The following LRRTM4 variants were observed in gnomAD, a reference collection of about 807,000 sequenced individuals.
The protein encoded by LRRTM4 is leucine rich repeat transmembrane neuronal 4, also known as leucine-rich repeat transmembrane neuronal protein 4.
Under a neutral mutation model 47.6 loss-of-function variants are expected in LRRTM4, and 25 were observed. The observed-to-expected ratio is 0.53, with a 90% CI of 0.38 to 0.73. LRRTM4 has a LOEUF of 0.73. LRRTM4 is among the 30% of genes least tolerant of loss of function. The probability of loss-of-function intolerance (pLI) is 0.00; values close to 1 mark genes in which losing one functional copy is unlikely to be tolerated. For synonymous variants in LRRTM4, 311 were observed against 269.5 expected, an observed-to-expected ratio of 1.15 and a Z score of -1.51; for missense variants, 638 against 713.4, an observed-to-expected ratio of 0.89 and a Z score of 1.20.
chr2:77,493,644 G>A (rs943877108), intron 3 of LRRTM4, among the ~76,000 whole-genome samples: 10 of 152,082 alleles, frequency 6.6e-5, no homozygotes, highest in African/African-American at 2.4e-4. Flanking sequence ...TTTGACTCAT[G>A]TCTGTAGAAG....
chr2:76,995,703 A>G (rs921036157), intron 3 of LRRTM4, among the ~76,000 whole-genome samples: 4 of 152,098 alleles, frequency 2.6e-5, no homozygotes, highest in African/African-American at 9.7e-5. Flanking sequence ...AAGGTAAGCC[A>G]TATAGATTCA....
intron 3 of LRRTM4, among the ~76,000 whole-genome samples, chr2:77,066,701 A>G (rs1260175604): frequency 1.3e-5 from 2 of 152,230 alleles, no homozygotes; most frequent in Admixed American, 6.5e-5. Context: ...ATATACATGC[A>G]TATGTACCTG....
chr2:77,186,843 C>G (rs1673518567), intron 3 of LRRTM4, among the ~76,000 whole-genome samples: 1 of 152,084 alleles, frequency 6.6e-6, no homozygotes, highest in African/African-American at 2.4e-5. Context: ...ATCTTCAGAC[C>G]AAACCCCAAG....
At chr2:77,114,708 C>G (rs960892965) in intron 3 of LRRTM4, among the ~76,000 whole-genome samples, 8 of 152,080 alleles carry the variant, frequency 5.3e-5, no homozygotes, top group Non-Finnish European at 8.8e-5. Context: ...AGCTGGGCCT[C>G]CGGGGGTGTC....
intron 3 of LRRTM4, among the ~76,000 whole-genome samples, chr2:76,783,063 G>A (rs779634399): frequency 3.8e-4 from 58 of 152,058 alleles, no homozygotes; most frequent in Non-Finnish European, 7.4e-4. Flanking sequence ...ATGCTTAGGT[G>A]CAGGAAGTTG....
intron 3 of LRRTM4, among the ~76,000 whole-genome samples, chr2:76,965,422 G>A (rs939219665): frequency 1.3e-5 from 2 of 151,046 alleles, no homozygotes; most frequent in African/African-American, 4.8e-5. Context: ...TATGTTATAT[G>A]CCATATCAAC....
chr2:77,033,160 CAAT>C (rs764934293), intron 3 of LRRTM4, among the ~76,000 whole-genome samples: 54 of 152,000 alleles, frequency 3.6e-4, no homozygotes, highest in Non-Finnish European at 6.6e-4. Context: ...AGAGAGAGAA[CAAT>C]AATTCCAAGG....
At chr2:76,773,948 G>C (rs1673833461) in intron 3 of LRRTM4, among the ~76,000 whole-genome samples, 1 of 151,506 alleles carries the variant, frequency 6.6e-6, no homozygotes, top group Non-Finnish European at 1.5e-5. Flanking sequence ...CTTCAATTGA[G>C]ATAATTATAG....
intron 3 of LRRTM4, among the ~76,000 whole-genome samples, chr2:77,063,315 A>T (rs1002349562): frequency 6.6e-6 from 1 of 152,082 alleles, no homozygotes; most frequent in Non-Finnish European, 1.5e-5. Context: ...TCCAGGTTTT[A>T]TATCACAGTA....
At chr2:77,095,518 T>A (rs1179152888) in intron 3 of LRRTM4, among the ~76,000 whole-genome samples, 1 of 151,620 alleles carries the variant, frequency 6.6e-6, no homozygotes, top group Non-Finnish European at 1.5e-5. Context: ...CTTTTTTTTT[T>A]TTTTTTAGAC....
intron 3 of LRRTM4, among the ~76,000 whole-genome samples, chr2:77,267,328 G>A (rs1399292431): frequency 6.6e-6 from 1 of 152,086 alleles, no homozygotes; most frequent in Non-Finnish European, 1.5e-5. Context: ...TGGTTCCGGA[G>A]GCCCTCTAGT....
intron 3 of LRRTM4, among the ~76,000 whole-genome samples, chr2:77,007,665 A>G (rs1431239936): frequency 6.6e-6 from 1 of 152,146 alleles, no homozygotes; most frequent in African/African-American, 2.4e-5. Context: ...AGTAAATCTC[A>G]CCATTCAAGT....
chr2:77,139,628 G>C (rs1350282354), intron 3 of LRRTM4, among the ~76,000 whole-genome samples: 2 of 152,098 alleles, frequency 1.3e-5, no homozygotes, highest in Non-Finnish European at 2.9e-5. Context: ...TTTTGGCCAG[G>C]GCAATCAGGC....
At chr2:76,958,621 G>T (rs1675754834) in intron 3 of LRRTM4, among the ~76,000 whole-genome samples, 2 of 151,536 alleles carry the variant, frequency 1.3e-5, no homozygotes, top group African/African-American at 4.8e-5. Context: ...AGATTCGAGG[G>T]TCTTCATAAC....
At chr2:77,287,820 T>A (rs1306566381) in intron 3 of LRRTM4, among the ~76,000 whole-genome samples, 15 of 152,256 alleles carry the variant, frequency 9.9e-5, no homozygotes, top group Admixed American at 3.9e-4. Flanking sequence ...TTAAACTTTA[T>A]CATAGATACA....
At chr2:76,780,959 T>A (rs1368682208) in intron 3 of LRRTM4, among the ~76,000 whole-genome samples, 3 of 152,210 alleles carry the variant, frequency 2.0e-5, no homozygotes, top group Non-Finnish European at 1.5e-5. Context: ...CCTTTCTGTT[T>A]GTTAGTTTTC....
chr2:77,145,286 T>C (rs886470434), intron 3 of LRRTM4, among the ~76,000 whole-genome samples: 3 of 150,952 alleles, frequency 2.0e-5, no homozygotes, highest in South Asian at 2.1e-4. Flanking sequence ...ATAGATGAAA[T>C]AGTAAAAGTA....
chr2:76,881,338 G>T (rs1573250116), intron 3 of LRRTM4, among the ~76,000 whole-genome samples: 1 of 152,100 alleles, frequency 6.6e-6, no homozygotes, highest in East Asian at 1.9e-4. Context: ...TTCACACATG[G>T]CCTATCAAGG....
At chr2:77,350,379 G>A (rs1490556545) in intron 3 of LRRTM4, among the ~76,000 whole-genome samples, 1 of 142,722 alleles carries the variant, frequency 7.0e-6, no homozygotes, top group African/African-American at 2.6e-5. Flanking sequence ...TGGAAATGCT[G>A]AGGTGTTACA....
Sources: gnomAD v4.1 joint callset for allele counts (sites outside exome capture counted in the v4.1 genomes callset) on GRCh38, gnomAD v4.1.1 for gene constraint, MANE v1.5 for transcripts, NCBI Gene and HGNC (gene_info 2026-07-23, HGNC 2026-07-21) for gene names.